Variants in IQSEC1 observed in about 807,000 individuals in gnomAD.
IQSEC1 encodes the protein IQ motif and SEC7 domain-containing protein 1.
A neutral mutation model predicts 91.0 loss-of-function variants in IQSEC1; 31 were observed. That is an observed-to-expected ratio of 0.34 (90% CI 0.26 to 0.46). IQSEC1 has a LOEUF of 0.46. Ranked by LOEUF, IQSEC1 falls within the 20% of genes least tolerant of loss-of-function variation. The probability of loss-of-function intolerance (pLI) is 1.00; values close to 1 mark genes in which losing one functional copy is unlikely to be tolerated. For synonymous variants in IQSEC1, 699 were observed against 662.6 expected, an observed-to-expected ratio of 1.05 and a Z score of -0.84; for missense variants, 1,388 against 1,575.6, an observed-to-expected ratio of 0.88 and a Z score of 2.02.
intron 1 of IQSEC1, among the ~76,000 whole-genome samples, chr3:12,949,633 C>T (rs1052515107): frequency 6.6e-6 from 1 of 152,248 alleles, no homozygotes; most frequent in Non-Finnish European, 1.5e-5. Context: ...TGTGGCTCTT[C>T]TCTGCCTAGG....
chr3:12,977,743 T>C (rs1701256850), intron 1 of IQSEC1, among the ~76,000 whole-genome samples: 1 of 152,248 alleles, frequency 6.6e-6, no homozygotes, highest in Non-Finnish European at 1.5e-5. Context: ...TGGATGCCAT[T>C]AAGTGCTCCT....
At chr3:12,951,743 C>T (rs553561426) in intron 1 of IQSEC1, among the ~76,000 whole-genome samples, 2 of 152,260 alleles carry the variant, frequency 1.3e-5, no homozygotes, top group South Asian at 4.1e-4. Flanking sequence ...CTGGTCGCCT[C>T]CCCTGGCAGG....
intron 12 of IQSEC1, among the ~76,000 whole-genome samples, chr3:12,907,386 T>TC (rs768481046): frequency 8.0e-5 from 12 of 149,074 alleles, no homozygotes; most frequent in Non-Finnish European, 3.0e-5. Flanking sequence ...AATGGGGGGG[T>TC]CTTCCCAAAA....
rs1275220399 is a variant in IQSEC1 at position 12,994,712 on chromosome 3, C to T, written c.24-52847G>A. Among the ~76,000 whole-genome samples the T allele has an allele frequency of 6.6e-6, 1 of 152,222 alleles. No homozygotes were observed. Among genetic ancestry groups the T allele is most frequent in the African/African-American group, 2.4e-5 (1 of 41,448 alleles). On this transcript the variant is annotated intron_variant, in intron 1 of 13. Transcript: ENST00000613206. The surrounding 1 kb of genome is among the most constrained non-coding windows in gnomAD (Gnocchi z 4.5). ...CCCAGAGGCGCACAGCTGCACCACG[C>T]TCCTCCGCGTCCCCTCCAGGACACA...
chr3:13,270,247 T>G (rs1157064904), intron 1 of IQSEC1, among the ~76,000 whole-genome samples: 1 of 152,238 alleles, frequency 6.6e-6, no homozygotes, highest in Non-Finnish European at 1.5e-5. Flanking sequence ...ATGGTGGTTG[T>G]TTTAAAACTA....
At chr3:13,111,516 T>C (rs1706243754) in intron 2 of IQSEC1, among the ~76,000 whole-genome samples, 1 of 152,206 alleles carries the variant, frequency 6.6e-6, no homozygotes, top group Non-Finnish European at 1.5e-5. Context: ...GGTAAGCACC[T>C]GACCCCTGGG....
chr3:12,923,098 C>T lies in IQSEC1; in HGVS notation c.1731-856G>A, dbSNP rs570934221. ...GGGGCAACAGCCTTGGAGGTGACTT[C>T]GGAGCAGTGGGGAGAGGGCAAGCAG... On this transcript the variant is annotated intron_variant, in intron 4 of 13. Transcript: ENST00000613206. Among the ~76,000 whole-genome samples, 212 of 152,176 alleles carry T rather than the reference C, an allele frequency of 1.4e-3. 1 individual carries two copies. The highest frequency in any genetic ancestry group is 3.4e-3 in the Middle Eastern group (1 of 294).
chr3:13,099,490 G>A (rs995185516), intron 2 of IQSEC1, among the ~76,000 whole-genome samples: 2 of 152,168 alleles, frequency 1.3e-5, no homozygotes, highest in Non-Finnish European at 2.9e-5. Flanking sequence ...CTCCTCCCCC[G>A]AGCTGGGTGT....
Position 12,936,175 on chromosome 3 carries a change from C to T in IQSEC1, c.841G>A (p.Glu281Lys), listed in dbSNP as rs1430554083. Residue 281 changes from glutamate to lysine, a missense_variant, in exon 3 of 14, where the codon GAG becomes AAG. Around this residue, in one of 2 missense-constraint regions of IQSEC1, gnomAD observed 1,059 missense variants for 1,317.8 expected, o/e 0.80. Transcript: ENST00000613206. ...ACATCACTGTACGAGGCCGTCATCT[C>T]GTCCAGTTTGCGGTGGTCCATGCCG... is the stretch of plus-strand genomic sequence containing the variant. ...LHGMDHRKLD[E>K]MTASYSDVTL... 8 of 1,612,934 alleles carry T rather than the reference C, an allele frequency of 5.0e-6. No individual in the cohort carries two copies. The African/African-American group carries it at 5.3e-5, about 11-fold the overall frequency.
chr3:12,915,439 AG>A (rs1695986937), intron 7 of IQSEC1, among the ~76,000 whole-genome samples, 154 bp downstream of exon 7: 1 of 152,248 alleles, frequency 6.6e-6, no homozygotes, highest in Admixed American at 6.5e-5. Context: ...CAAATATGAC[AG>A]GAGACACTCG....
chr3:13,208,290 A>C (rs1694379657), intron 1 of IQSEC1, among the ~76,000 whole-genome samples: 1 of 151,700 alleles, frequency 6.6e-6, no homozygotes, highest in Admixed American at 6.6e-5. Context: ...CTCCCACTCT[A>C]CAGAGAAAAG....
chr3:13,026,390 C>G (rs1703613838), intron 1 of IQSEC1, among the ~76,000 whole-genome samples: 1 of 152,202 alleles, frequency 6.6e-6, no homozygotes, highest in Non-Finnish European at 1.5e-5. Context: ...ATGTTTCCTA[C>G]CAGGACCCAA....
chr3:12,933,162 C>T (rs977897454), intron 3 of IQSEC1, among the ~76,000 whole-genome samples: 1 of 152,170 alleles, frequency 6.6e-6, no homozygotes, highest in Non-Finnish European at 1.5e-5. Context: ...GGTACACAGG[C>T]GCAGGGCCAA....
chr3:13,215,843 G>A (rs6789825), intron 1 of IQSEC1, among the ~76,000 whole-genome samples: 25,039 of 152,196 alleles, frequency 0.16, 2,753 homozygotes, highest in East Asian at 0.33. Context: ...AACGTCTCCT[G>A]TTGAGAAGGG....
intron 8 of IQSEC1, among the ~76,000 whole-genome samples, chr3:12,914,356 TGGGATCCCC>T (rs1424889356): frequency 6.6e-6 from 1 of 151,898 alleles, no homozygotes; most frequent in Non-Finnish European, 1.5e-5. Flanking sequence ...GTCAAAGGGG[TGGGATCCCC>T]GGGATCACCG....
In IQSEC1 at chr3:12,924,649, G is replaced by A. The variant is rs749337784; in HGVS notation, c.1662C>T (p.Gly554=). 1.2e-6 allele frequency: 2 copies of A among 1,611,194 alleles called. No homozygotes were observed. Among genetic ancestry groups the A allele is most frequent in the Non-Finnish European group, 1.7e-6 (2 of 1,178,656 alleles). ...GVAHFLLQRK[G]LSRQMIGEFL... is the part of the protein sequence containing the mutation. ...ACTCGCCGATCATCTGCCGGCTGAG[G>A]CCCTTGCGCTGCAGCAGGAAGTGGG... The change falls in exon 4 of 14, where the codon GGC becomes GGT. Residue 554 remains glycine, a synonymous_variant. Transcript: ENST00000613206. The surrounding 1 kb of genome is among the most constrained non-coding windows in gnomAD (Gnocchi z 6.3).
chr3:13,237,847 C>T (rs1694959010), intron 1 of IQSEC1, among the ~76,000 whole-genome samples: 1 of 152,222 alleles, frequency 6.6e-6, no homozygotes, highest in Admixed American at 6.5e-5. Flanking sequence ...TCGGAGGAGA[C>T]CAGGAGCTCA....
Position 12,967,738 on chromosome 3 carries a change from G to A in IQSEC1, c.24-25873C>T, listed in dbSNP as rs979087507. 9.4e-7 allele frequency: 1 copy of A among 1,063,038 alleles called. No homozygotes were observed. The allele number at this position is 1,063,038 out of a possible 1,614,324, so 65.9% of individuals were successfully genotyped here. ...GGAATGTGGCCCTGAAGTGGGCGGG[G>A]CAGGGCGGGGGCGGGGCCGGAGGGC... is the stretch of plus-strand genomic sequence containing the variant. On this transcript the variant is annotated intron_variant, in intron 1 of 13. Transcript: ENST00000613206. This position sits in a 1 kb window ranked among gnomAD's most constrained non-coding sequence, Gnocchi z 5.9.
chr3:13,230,989 G>C (rs1694830558), intron 1 of IQSEC1, among the ~76,000 whole-genome samples: 1 of 152,160 alleles, frequency 6.6e-6, no homozygotes, highest in African/African-American at 2.4e-5. Flanking sequence ...GTAAACTGCT[G>C]ATTTCTTTGG....
Sources: allele counts gnomAD v4.1 joint callset (sites outside exome capture counted in the v4.1 genomes callset), GRCh38; gene constraint gnomAD v4.1.1; regional missense constraint gnomAD v4.1.1; non-coding constraint Gnocchi (gnomAD v3.1); transcripts MANE v1.5; gene names NCBI Gene and HGNC (gene_info 2026-07-23, HGNC 2026-07-21).